The following SPSB4 variants were observed in gnomAD, a reference collection of about 807,000 sequenced individuals.
SPSB4 encodes the protein splA/ryanodine receptor domain and SOCS box containing 4.
A neutral mutation model predicts 20.9 loss-of-function variants in SPSB4; 21 were observed. The observed-to-expected ratio is 1.01, with a 90% CI of 0.71 to 1.45. The LOEUF (loss-of-function observed/expected upper bound fraction) is 1.45. Ranked by LOEUF, SPSB4 falls within the 40% of genes most tolerant of loss-of-function variation. The pLI, the probability that SPSB4 is intolerant of heterozygous loss-of-function variation, is 0.00. For synonymous variants in SPSB4, 207 were observed against 183.8 expected (o/e 1.13, Z -1.02); for missense variants, 399 against 399.2 (o/e 1.00, Z 0.00).
chr3:141,132,040 G>T, intron 2 of SPSB4: 2 of 193,190 alleles, frequency 1.0e-5, no homozygotes, highest in Non-Finnish European at 1.1e-5. Flanking sequence ...ATTTCAACAG[G>T]TGGTTTTTGA....
intron 1 of SPSB4, among the ~76,000 whole-genome samples, chr3:141,063,405 G>A (rs574570869): frequency 2.0e-5 from 3 of 152,190 alleles, no homozygotes; most frequent in South Asian, 4.2e-4. Flanking sequence ...ATGCTTTTAT[G>A]CCTTTTTGCC....
rs141035481 is a variant in SPSB4 at position 141,093,778 on chromosome 3, C to T, written c.694+26980C>T. On this transcript the variant is annotated intron_variant, in intron 2 of 2. Transcript: ENST00000310546. Reference sequence around the variant, plus strand: ...GCTCAGACCAGAAGCCAGGGGTCCTCACCAGCTGGGCATGAAGAGCCCTGT... The same window carrying T: ...GCTCAGACCAGAAGCCAGGGGTCCTTACCAGCTGGGCATGAAGAGCCCTGT... 1.9e-3 allele frequency among the ~76,000 whole-genome samples: 283 copies of T among 152,340 alleles called. 1 individual carries two copies. Among genetic ancestry groups the T allele is most frequent in the African/African-American group, 6.6e-3 (276 of 41,576 alleles).
chr3:141,111,058 T>G (rs1266256673), intron 2 of SPSB4, among the ~76,000 whole-genome samples: 3 of 152,362 alleles, frequency 2.0e-5, no homozygotes, highest in East Asian at 3.9e-4. Context: ...CCAGCTATGT[T>G]ATCCTAATTA....
intron 1 of SPSB4, among the ~76,000 whole-genome samples, chr3:141,063,622 G>C (rs906831642): frequency 7.2e-5 from 11 of 152,116 alleles, no homozygotes; most frequent in African/African-American, 2.7e-4. Flanking sequence ...TTACAAATTT[G>C]GTTCCCATTT....
rs34223433 is a variant in SPSB4 at position 141,111,354 on chromosome 3, C to CTTTTTTTT, written c.695-35769_695-35762dup. ...CCTAATTACTAAACCCTGGAACTTG[C>CTTTTTTTT]TTTTTTTTTTTTTTTTTTTTTTTTT... On this transcript the variant is annotated intron_variant, in intron 2 of 2. Coordinates refer to ENST00000310546, the MANE Select transcript of SPSB4 (RefSeq NM_080862.3). Among the ~76,000 whole-genome samples, 11 of 61,810 alleles carry CTTTTTTTT rather than the reference C, an allele frequency of 1.8e-4. 1 individual carries two copies. The highest frequency in any genetic ancestry group is 2.8e-4 in the Admixed American group (1 of 3,620). The allele number at this position is 61,810 out of a possible 152,430, so 40.5% of individuals were successfully genotyped here.
chr3:141,062,091 G>C (rs935774912), intron 1 of SPSB4, among the ~76,000 whole-genome samples: 1 of 152,168 alleles, frequency 6.6e-6, no homozygotes, highest in Non-Finnish European at 1.5e-5. Flanking sequence ...ATGTGGAATT[G>C]TTAGGTCTCC....
intron 2 of SPSB4, among the ~76,000 whole-genome samples, chr3:141,105,308 C>G (rs1938670684): frequency 6.6e-6 from 1 of 152,186 alleles, no homozygotes; most frequent in South Asian, 2.1e-4. Flanking sequence ...GGGCAGTCAC[C>G]ATTGCGCTGA....
chr3:141,097,405 C>T (rs1938559747), intron 2 of SPSB4, among the ~76,000 whole-genome samples: 1 of 152,200 alleles, frequency 6.6e-6, no homozygotes, highest in Admixed American at 6.5e-5. Flanking sequence ...TTCCCATATT[C>T]TGTTTTTGTT....
intron 2 of SPSB4, among the ~76,000 whole-genome samples, chr3:141,102,352 C>T (rs1328571171): frequency 3.3e-5 from 5 of 152,086 alleles, no homozygotes; most frequent in Non-Finnish European, 5.9e-5. Context: ...AACATACAAC[C>T]GATTACAGAA....
At chr3:141,102,578 G>C (rs1938628623) in intron 2 of SPSB4, among the ~76,000 whole-genome samples, 1 of 152,170 alleles carries the variant, frequency 6.6e-6, no homozygotes, top group African/African-American at 2.4e-5. Flanking sequence ...ATGTGCAAAG[G>C]CCCTGTGGCA....
rs556302339 is a variant in SPSB4, at chr3:141,140,335, G to A, written c.695-6807G>A. ...TTCTGAAGCCTTCCTCTCTCAACTC[G>A]TCAAAGTCATTCTCCATCCAGCTTT... On this transcript the variant is annotated intron_variant, in intron 2 of 2. Transcript: ENST00000310546. 2.5e-3 allele frequency among the ~76,000 whole-genome samples: 373 copies of A among 152,224 alleles called. 3 individuals carry two copies. Among genetic ancestry groups the A allele is most frequent in the Admixed American group, 8.0e-3 (123 of 15,296 alleles).
At chr3:141,054,210 C>A (rs1400617604) in intron 1 of SPSB4, among the ~76,000 whole-genome samples, 1 of 152,266 alleles carries the variant, frequency 6.6e-6, no homozygotes, top group South Asian at 2.1e-4. Context: ...GACCTGTTGT[C>A]ACACATCCAT....
intron 2 of SPSB4, among the ~76,000 whole-genome samples, chr3:141,136,653 T>C (rs1313876049): frequency 6.6e-6 from 1 of 152,096 alleles, no homozygotes; most frequent in Non-Finnish European, 1.5e-5. Context: ...TGGTTGTAGG[T>C]GTGTGGTATT....
chr3:141,074,445 C>T (rs887685352), intron 2 of SPSB4, among the ~76,000 whole-genome samples: 1 of 152,066 alleles, frequency 6.6e-6, no homozygotes, highest in African/African-American at 2.4e-5. Flanking sequence ...AAATTTTGGT[C>T]CACACTGTGA....
At chr3:141,085,189 T>A (rs141636672) in intron 2 of SPSB4, among the ~76,000 whole-genome samples, 1 of 152,302 alleles carries the variant, frequency 6.6e-6, no homozygotes, top group Non-Finnish European at 1.5e-5. Context: ...TTCAGGGACC[T>A]GCAAGTTGGA....
chr3:141,084,655 G>A (rs1938308383), intron 2 of SPSB4, among the ~76,000 whole-genome samples: 1 of 152,162 alleles, frequency 6.6e-6, no homozygotes, highest in Non-Finnish European at 1.5e-5. Context: ...GAGGGTCTGT[G>A]GTGTCTACTT....
intron 2 of SPSB4, among the ~76,000 whole-genome samples, chr3:141,116,788 C>A (rs992435601): frequency 6.6e-6 from 1 of 152,038 alleles, no homozygotes; most frequent in African/African-American, 2.4e-5. Context: ...TTATTATTGC[C>A]AAAAAAATCA....
intron 2 of SPSB4, among the ~76,000 whole-genome samples, chr3:141,111,555 G>A (rs1274286247): frequency 6.6e-6 from 1 of 151,846 alleles, no homozygotes. Context: ...CCTGGGCTGC[G>A]AGAAACTGCC....
chr3:141,120,155 C>T (rs751308326), intron 2 of SPSB4, among the ~76,000 whole-genome samples: 9 of 152,164 alleles, frequency 5.9e-5, no homozygotes, highest in Non-Finnish European at 1.2e-4. Context: ...TTTATTTCTG[C>T]CTTCATTTCA....
Sources: allele counts gnomAD v4.1 joint callset (sites outside exome capture counted in the v4.1 genomes callset), GRCh38; gene constraint gnomAD v4.1.1; transcripts MANE v1.5; gene names NCBI Gene and HGNC (gene_info 2026-07-23, HGNC 2026-07-21).